CHST9: variants seen among roughly 807,000 people sequenced by gnomAD.
The protein encoded by CHST9 is GalNAc-4-sulfotransferase 2.
A neutral mutation model predicts 44.4 loss-of-function variants in CHST9; 41 were observed. The ratio of observed to expected loss-of-function variants is 0.92; its 90% CI spans 0.72 to 1.20. The LOEUF (loss-of-function observed/expected upper bound fraction) is 1.20. CHST9 is among the 50% of genes most tolerant of loss of function. CHST9 has a pLI of 0.00. For synonymous variants in CHST9, 171 were observed against 178.4 expected, an observed-to-expected ratio of 0.96 and a Z score of 0.33; for missense variants, 504 against 516.5, an observed-to-expected ratio of 0.98 and a Z score of 0.23.
chr18:26,938,846 A>G (rs2056039402), intron 5 of CHST9, among the ~76,000 whole-genome samples: 1 of 152,124 alleles, frequency 6.6e-6, no homozygotes, highest in Admixed American at 6.5e-5. Context: ...TTGGTTTAGA[A>G]TCCTTACCTG....
intron 2 of CHST9, among the ~76,000 whole-genome samples, chr18:27,054,325 A>G (rs2057626134): frequency 6.6e-6 from 1 of 152,180 alleles, no homozygotes; most frequent in African/African-American, 2.4e-5. Context: ...GTTGTGCTTT[A>G]TTTTATCACA....
chr18:27,050,482 A>T (rs975905478), intron 2 of CHST9, among the ~76,000 whole-genome samples: 4 of 152,120 alleles, frequency 2.6e-5, no homozygotes, highest in Non-Finnish European at 5.9e-5. Context: ...GCTACATGTA[A>T]ACTTTATCCA....
intron 4 of CHST9, among the ~76,000 whole-genome samples, chr18:26,992,633 A>T (rs2056834664): frequency 6.6e-6 from 1 of 150,706 alleles, no homozygotes; most frequent in Non-Finnish European, 1.5e-5. Context: ...TTTTTTTTTT[A>T]AAGGAATGTG....
At chr18:26,964,688 G>A (rs1380413458) in intron 4 of CHST9, among the ~76,000 whole-genome samples, 2 of 152,244 alleles carry the variant, frequency 1.3e-5, no homozygotes, top group African/African-American at 4.8e-5. Context: ...TGTCCACTGT[G>A]TGTGCTACAC....
Position 27,033,195 on chromosome 18 carries a change from T to G in CHST9, c.161-9038A>C, listed in dbSNP as rs2057358563. Reference sequence around the variant, plus strand: ...GTGTTCACTAATCTTGGAGTCAGAATGAGGTTTCTTTGAATAGCCCAGCAC... The same window carrying G: ...GTGTTCACTAATCTTGGAGTCAGAAGGAGGTTTCTTTGAATAGCCCAGCAC... On this transcript the variant is annotated intron_variant, in intron 3 of 5. Coordinates refer to ENST00000618847, the MANE Select transcript of CHST9 (RefSeq NM_031422.6). 3.3e-5 allele frequency among the ~76,000 whole-genome samples: 5 copies of G among 152,342 alleles called. No individual in the cohort carries two copies. In the South Asian group the frequency reaches 8.3e-4, roughly 25 times the overall value.
In CHST9 at chr18:27,162,043, G is replaced by A. The variant is rs191835922; in HGVS notation, c.-96-19138C>T. ...GGTTTCCTGAATACAGCACACTGATGGGTCTTGACTCTTTATCCAATTTGC... is the reference window on the plus strand; with the variant it reads ...GGTTTCCTGAATACAGCACACTGATAGGTCTTGACTCTTTATCCAATTTGC... On this transcript the variant is annotated intron_variant, in intron 1 of 5. Transcript: ENST00000618847. Among the ~76,000 whole-genome samples the A allele has an allele frequency of 3.6e-3, 552 of 152,150 alleles. 2 individuals are homozygous for A. Among genetic ancestry groups the A allele is most frequent in the Non-Finnish European group, 6.6e-3 (447 of 68,018 alleles).
chr18:27,132,732 T>G (rs560902852), intron 2 of CHST9, among the ~76,000 whole-genome samples: 1 of 152,314 alleles, frequency 6.6e-6, no homozygotes, highest in African/African-American at 2.4e-5. Flanking sequence ...TCAGTAAGCC[T>G]TCTCTGAGAC....
intron 2 of CHST9, among the ~76,000 whole-genome samples, chr18:27,133,015 C>T (rs920846551): frequency 6.6e-6 from 1 of 152,172 alleles, no homozygotes; most frequent in Admixed American, 6.5e-5. Flanking sequence ...GTCTCAAAAG[C>T]CAGAATGCCC....
intron 1 of CHST9, among the ~76,000 whole-genome samples, chr18:27,163,322 C>T (rs537893378): frequency 6.6e-5 from 10 of 152,166 alleles, no homozygotes; most frequent in Admixed American, 1.3e-4. Context: ...CTAGGAGAAC[C>T]GCTACTCTCT....
intron 3 of CHST9, among the ~76,000 whole-genome samples, chr18:27,042,913 T>C (rs548345146): frequency 6.6e-6 from 1 of 152,088 alleles, no homozygotes; most frequent in East Asian, 1.9e-4. Flanking sequence ...GTCACTTGGT[T>C]TTCACTTACA....
At chr18:26,963,204 G>C (rs968575218) in intron 4 of CHST9, among the ~76,000 whole-genome samples, 2 of 152,102 alleles carry the variant, frequency 1.3e-5, no homozygotes, top group Non-Finnish European at 2.9e-5. Flanking sequence ...TCTTTCCACT[G>C]TCTCAAACTG....
intron 2 of CHST9, among the ~76,000 whole-genome samples, chr18:27,084,572 A>G (rs1329947621): frequency 6.6e-6 from 1 of 151,018 alleles, no homozygotes; most frequent in Non-Finnish European, 1.5e-5. Flanking sequence ...GTGATCTACC[A>G]ATCTTATCTA....
intron 4 of CHST9, among the ~76,000 whole-genome samples, chr18:26,967,528 C>T (rs994579024): frequency 1.3e-5 from 2 of 152,086 alleles, no homozygotes; most frequent in Non-Finnish European, 2.9e-5. Flanking sequence ...ATTTTGTGGG[C>T]AGATAACTAT....
intron 4 of CHST9, among the ~76,000 whole-genome samples, chr18:26,948,494 A>T (rs1321260182): frequency 6.6e-6 from 1 of 152,224 alleles, no homozygotes; most frequent in East Asian, 1.9e-4. Flanking sequence ...TGGCAGCAGC[A>T]CTACAAAACC....
chr18:26,977,574 G>T (rs372182594), intron 4 of CHST9, among the ~76,000 whole-genome samples: 1 of 152,070 alleles, frequency 6.6e-6, no homozygotes, highest in African/African-American at 2.4e-5. Flanking sequence ...TAATCTAAAA[G>T]GTCTAGGGCT....
intron 4 of CHST9, among the ~76,000 whole-genome samples, chr18:26,962,751 G>T (rs2145153430): frequency 6.6e-6 from 1 of 152,282 alleles, no homozygotes; most frequent in South Asian, 2.1e-4. Flanking sequence ...ACCATCGCCT[G>T]GGGTAGTTTG....
intron 4 of CHST9, among the ~76,000 whole-genome samples, chr18:26,962,745 T>C (rs1367147682): frequency 6.6e-6 from 1 of 152,158 alleles, no homozygotes; most frequent in Non-Finnish European, 1.5e-5. Flanking sequence ...GGCATCACCA[T>C]CGCCTGGGGT....
chr18:26,958,731 T>A (rs1305462104), intron 4 of CHST9, among the ~76,000 whole-genome samples: 1 of 152,162 alleles, frequency 6.6e-6, no homozygotes, highest in African/African-American at 2.4e-5. Context: ...TGCTCAACGT[T>A]ACTAATTATC....
intron 5 of CHST9, among the ~76,000 whole-genome samples, chr18:26,927,277 T>G (rs1291254646): frequency 6.6e-6 from 1 of 151,772 alleles, no homozygotes. Context: ...TTTTCACAGG[T>G]GAAGGGGAGG....
Sources: allele counts gnomAD v4.1 joint callset (sites outside exome capture counted in the v4.1 genomes callset), GRCh38; gene constraint gnomAD v4.1.1; transcripts MANE v1.5; gene names NCBI Gene and HGNC (gene_info 2026-07-23, HGNC 2026-07-21).